Variants in PCDHA12 observed in about 807,000 individuals in gnomAD.
PCDHA12 encodes the protein protocadherin alpha 12.
In PCDHA12, 44 loss-of-function variants were observed where a neutral mutation model predicts 60.0. The ratio of observed to expected loss-of-function variants is 0.73; its 90% CI spans 0.58 to 0.94. The LOEUF (loss-of-function observed/expected upper bound fraction) is 0.94. PCDHA12 is among the 40% of genes least tolerant of loss of function. The pLI, the probability that PCDHA12 is intolerant of heterozygous loss-of-function variation, is 0.00. For missense variants in PCDHA12, 1,276 were observed against 1,239.7 expected, an observed-to-expected ratio of 1.03 and a Z score of -0.44; for synonymous variants, 569 against 553.0, an observed-to-expected ratio of 1.03 and a Z score of -0.40.
At chr5:141,005,529 C>A (rs1387576846) in intron 3 of PCDHA12, among the ~76,000 whole-genome samples, 2 of 151,154 alleles carry the variant, frequency 1.3e-5, no homozygotes, top group Non-Finnish European at 2.9e-5. Context: ...CGGTGAAACC[C>A]CGTCTCTACT....
intron 1 of PCDHA12, among the ~76,000 whole-genome samples, chr5:140,949,594 G>C (rs914390039): frequency 6.6e-6 from 1 of 151,450 alleles, no homozygotes; most frequent in African/African-American, 2.4e-5. Context: ...ATATTAATGT[G>C]GCCATTCTAG....
chr5:140,990,195 A>C (rs1030331876), intron 3 of PCDHA12, among the ~76,000 whole-genome samples: 1 of 152,012 alleles, frequency 6.6e-6, no homozygotes, highest in Non-Finnish European at 1.5e-5. Flanking sequence ...CCAAATGTGG[A>C]CCCGAAAGAG....
At chr5:140,910,116 A>C (rs1205054200) in intron 1 of PCDHA12, among the ~76,000 whole-genome samples, 1 of 152,222 alleles carries the variant, frequency 6.6e-6, no homozygotes, top group Non-Finnish European at 1.5e-5. Flanking sequence ...AAGGGATTCT[A>C]GGTCTGTAAA....
chr5:140,926,912 C>A, intron 1 of PCDHA12: 1 of 1,561,732 alleles, frequency 6.4e-7, no homozygotes. Context: ...TGTGGGGTGG[C>A]AGTTTTATGT....
At chr5:140,913,619 G>A (rs188632685) in intron 1 of PCDHA12, among the ~76,000 whole-genome samples, 1 of 151,848 alleles carries the variant, frequency 6.6e-6, no homozygotes, top group Non-Finnish European at 1.5e-5. Context: ...TACTAATTTT[G>A]GATTCAGTTT....
rs574140858 is a variant in PCDHA12 at position 140,929,782 on chromosome 5, A to C, written c.2368-49167A>C. On this transcript the variant is annotated intron_variant, in intron 1 of 3. Coordinates refer to ENST00000398631, the MANE Select transcript of PCDHA12 (RefSeq NM_018903.4). The stretch of plus-strand genomic sequence containing the variant: ...GACGATAACCACAAAAGATGTAAAA[A>C]TAAATTACAATGGGGGTTAAAAGAA... The C allele has an allele frequency of 1.8e-5, 3 of 168,346 alleles. No individual in the cohort carries two copies. The Admixed American group carries it at 1.9e-4, about 11-fold the overall frequency. 10.4% of individuals were successfully genotyped at this position (168,346 alleles called of 1,614,324 possible). A position where few individuals can be genotyped will look rare whatever the true frequency, so the allele number is the denominator to read the frequency against.
intron 1 of PCDHA12, chr5:140,884,600 C>G: frequency 6.2e-7 from 1 of 1,614,150 alleles, no homozygotes; most frequent in African/African-American, 1.3e-5. Flanking sequence ...CAGCCTTCCT[C>G]CTTGTCTGGG....
Position 140,916,977 on chromosome 5 carries a change from T to A in PCDHA12, c.2367+39138T>A, listed in dbSNP as rs569550595. Among the ~76,000 whole-genome samples the A allele has an allele frequency of 2.6e-5, 4 of 152,302 alleles. No individual in the cohort carries two copies. In the South Asian group the frequency reaches 8.3e-4, roughly 32 times the overall value. On this transcript the variant is annotated intron_variant, in intron 1 of 3. Transcript: ENST00000398631. ...AGTTCTGACTGCTGGGATGAGTGAT[T>A]CGCCTCTGGCCAGGCCTGTTCCAAA...
chr5:140,902,201 T>C (rs1554190261), intron 1 of PCDHA12, among the ~76,000 whole-genome samples: 1 of 145,052 alleles, frequency 6.9e-6, no homozygotes. Flanking sequence ...CTCTCTCTCT[T>C]TCTTTTTTTT....
chr5:140,951,959 A>C (rs2094664205), intron 1 of PCDHA12, among the ~76,000 whole-genome samples: 1 of 152,202 alleles, frequency 6.6e-6, no homozygotes, highest in Admixed American at 6.5e-5. Context: ...GGCATTGGGT[A>C]AATACTCCTG....
At chr5:140,884,071 G>C (rs1425122045) in intron 1 of PCDHA12, 7 of 1,613,400 alleles carry the variant, frequency 4.3e-6, no homozygotes, top group African/African-American at 2.7e-5. Context: ...ACGCCGATTC[G>C]GGCTACAATG....
intron 1 of PCDHA12, chr5:140,967,145 A>C: frequency 1.2e-6 from 2 of 1,610,892 alleles, no homozygotes; most frequent in Non-Finnish European, 8.5e-7. Context: ...GCTGGCGCAC[A>C]ACCCCGTGGC....
chr5:140,884,418 T>C, intron 1 of PCDHA12: 2 of 1,613,974 alleles, frequency 1.2e-6, no homozygotes, highest in South Asian at 2.2e-5. Flanking sequence ...ACGTTGCTGC[T>C]GTATACTGCG....
intron 1 of PCDHA12, among the ~76,000 whole-genome samples, chr5:140,954,602 A>G (rs2095062634): frequency 6.6e-6 from 1 of 152,120 alleles, no homozygotes; most frequent in South Asian, 2.1e-4. Flanking sequence ...TTCTTTGCCC[A>G]CTTTTTAATG....
At chr5:140,878,371 G>A (rs543191231) in intron 1 of PCDHA12, among the ~76,000 whole-genome samples, 53 of 152,276 alleles carry the variant, frequency 3.5e-4, no homozygotes, top group Non-Finnish European at 6.5e-4. Flanking sequence ...TCTGACATAT[G>A]ATGAATGATT....
At chr5:140,897,547 C>T (rs1276931434) in intron 1 of PCDHA12, among the ~76,000 whole-genome samples, 3 of 152,076 alleles carry the variant, frequency 2.0e-5, no homozygotes, top group Non-Finnish European at 2.9e-5. Context: ...CATAGTCTTC[C>T]ATGGTGTATA....
intron 2 of PCDHA12, among the ~76,000 whole-genome samples, chr5:140,980,164 G>A (rs187011465): frequency 1.6e-3 from 238 of 152,226 alleles, no homozygotes; most frequent in Middle Eastern, 6.8e-3. Context: ...AGAATATTAG[G>A]TATCAGAAGA....
intron 1 of PCDHA12, chr5:140,966,656 G>A: frequency 8.3e-7 from 1 of 1,203,372 alleles, no homozygotes; most frequent in East Asian, 3.0e-5. Flanking sequence ...GTGAGCGGTG[G>A]GGGAGCAGGC....
Position 140,877,361 on chromosome 5 carries a change from A to G in PCDHA12, c.1889A>G (p.Glu630Gly). The change falls in exon 1 of 4, where the codon GAG becomes GGG. Residue 630 changes from glutamate (E) to glycine (G), a missense_variant. Coordinates refer to ENST00000398631, the MANE Select transcript of PCDHA12 (RefSeq NM_018903.4). ...TTCCACGTGGGGCTGTACACTGGCG[A>G]GATCAGCACGACACGCATCCTGGAT... The part of the protein sequence containing the change: ...IPFHVGLYTG[E>G]ISTTRILDEA... 3.7e-6 allele frequency: 6 copies of G among 1,613,976 alleles called. No homozygotes were observed. The highest frequency in any genetic ancestry group is 5.1e-6 in the Non-Finnish European group (6 of 1,179,878).
Sources: allele counts gnomAD v4.1 joint callset (sites outside exome capture counted in the v4.1 genomes callset), GRCh38; gene constraint gnomAD v4.1.1; transcripts MANE v1.5; gene names NCBI Gene and HGNC (gene_info 2026-07-23, HGNC 2026-07-21).